CD84: variants seen among roughly 807,000 people sequenced by gnomAD.
CD84 encodes CD84 molecule.
Under a neutral mutation model 33.8 loss-of-function variants are expected in CD84, and 22 were observed. The ratio of observed to expected loss-of-function variants is 0.65; its 90% confidence interval spans 0.46 to 0.93. The LOEUF (loss-of-function observed/expected upper bound fraction) is 0.93. CD84 is among the 40% of genes least tolerant of loss of function. The pLI is 0.00. For missense variants in CD84, 400 were observed against 397.6 expected (o/e 1.01, Z -0.05); for synonymous variants, 154 against 145.2 (o/e 1.06, Z -0.44).
At chr1:160,552,051 G>A (rs1309004024) in intron 4 of CD84, among the ~76,000 whole-genome samples, 1 of 152,144 alleles carries the variant, frequency 6.6e-6, no homozygotes, top group Non-Finnish European at 1.5e-5. Context: ...AGAATTTTGG[G>A]CCTTCATAAT....
At chr1:160,558,739 T>C (rs1409821439) in intron 2 of CD84, among the ~76,000 whole-genome samples, 2 of 152,040 alleles carry the variant, frequency 1.3e-5, no homozygotes, top group Non-Finnish European at 2.9e-5. Context: ...CTAAGAATTA[T>C]GATAAGACAA....
intron 5 of CD84, 113 bp downstream of exon 5, chr1:160,550,825 G>C: frequency 1.3e-6 from 2 of 1,563,306 alleles, no homozygotes; most frequent in Non-Finnish European, 1.7e-6. Flanking sequence ...GGAACCTCTG[G>C]ACTCTTGGCC....
chr1:160,553,260 C>A (rs763022943), intron 4 of CD84, 118 bp downstream of exon 4: 1 of 1,538,626 alleles, frequency 6.5e-7, no homozygotes, highest in Non-Finnish European at 8.9e-7. Flanking sequence ...GGGTGGAGAT[C>A]GGAAAAAGGC....
chr1:160,575,244 G>A (rs1433819845), intron 1 of CD84, among the ~76,000 whole-genome samples: 2 of 152,128 alleles, frequency 1.3e-5, no homozygotes, highest in Admixed American at 6.6e-5. Context: ...GCTTTAGCAT[G>A]TGGTGCCCAA....
chr1:160,564,278 T>C (rs1657178728), intron 2 of CD84, among the ~76,000 whole-genome samples: 1 of 152,156 alleles, frequency 6.6e-6, no homozygotes, highest in Non-Finnish European at 1.5e-5. Flanking sequence ...TGAAAAATAA[T>C]AACACCAAAT....
At chr1:160,565,333 T>C in intron 2 of CD84, 71 bp downstream of exon 2, 2 of 1,125,082 alleles carry the variant, frequency 1.8e-6, no homozygotes, top group Admixed American at 4.7e-5. Context: ...ATCAGAAATG[T>C]AGATGTGTTT....
intron 1 of CD84, among the ~76,000 whole-genome samples, chr1:160,578,908 T>C (rs1255896587): frequency 6.6e-6 from 1 of 152,038 alleles, no homozygotes; most frequent in Admixed American, 6.6e-5. Flanking sequence ...ATAAAGGGAG[T>C]TTATAGAGAT....
chr1:160,552,704 C>T (rs1321032211), intron 4 of CD84: 3 of 1,546,378 alleles, frequency 1.9e-6, no homozygotes, highest in Non-Finnish European at 2.6e-6. Context: ...TGAGAACTTA[C>T]AAGGGTTCTT....
chr1:160,550,468 A>G (rs1158111692), intron 5 of CD84: 1 of 229,534 alleles, frequency 4.4e-6, no homozygotes, highest in Non-Finnish European at 7.2e-6. Flanking sequence ...GGGGTGTGGA[A>G]CAGTGACTCT....
At chr1:160,549,879 G>A (rs775410591) in intron 6 of CD84, 38 bp downstream of exon 6, 1 of 1,495,516 alleles carries the variant, frequency 6.7e-7, no homozygotes, top group Non-Finnish European at 9.3e-7. Context: ...GGCTGGAAGA[G>A]TTAGGAAAGC....
intron 3 of CD84, 101 bp downstream of exon 3, chr1:160,553,794 A>G: frequency 6.4e-7 from 1 of 1,565,714 alleles, no homozygotes; most frequent in Non-Finnish European, 8.7e-7. Flanking sequence ...CCAAAGATAA[A>G]GGAAGCACAT....
rs1655923741 is a variant in CD84 at position 160,547,847 on chromosome 1, T to C, written c.*409A>G. 3 of 230,586 alleles carry C rather than the reference T, an allele frequency of 1.3e-5. No individual in the cohort carries two copies. The highest frequency in any genetic ancestry group is 2.6e-5 in the Non-Finnish European group (3 of 115,740). The allele number at this position is 230,586 out of a possible 1,614,324, so 14.3% of individuals were successfully genotyped here. A position where few individuals can be genotyped will look rare whatever the true frequency, so the allele number is the denominator to read the frequency against. The stretch of plus-strand genomic sequence containing the variant: ...GGCCTATTACAGGTGTGCAAAATAT[T>C]GATCCCCTTCTCCCACAGTTACTGG... On this transcript the variant is annotated 3_prime_UTR_variant, in exon 7 of 7. Coordinates refer to ENST00000368054, the MANE Select transcript of CD84 (RefSeq NM_003874.4).
In CD84 at chr1:160,554,083, A is replaced by C. The variant is rs201135783; in HGVS notation, c.452T>G (p.Val151Gly). The change falls in exon 3 of 7, where the codon GTC (valine) becomes GGC (glycine). Residue 151 changes from valine (V) to glycine (G), a missense_variant. Coordinates refer to ENST00000368054, the MANE Select transcript of CD84 (RefSeq NM_003874.4). ...LMASVNSTCN[V>G]TLTCSVEKEE... ...TTTCTCTACAGAGCATGTCAGTGTG[A>C]CATTACAGGTGCTGTTCACAGATGC... 2.5e-6 allele frequency: 4 copies of C among 1,614,172 alleles called. No homozygotes were observed. The African/African-American group carries it at 4.0e-5, about 16-fold the overall frequency.
rs1489564393 is a variant in CD84 at position 160,557,223 on chromosome 1, CCT to C, written c.389-3079_389-3078del. Among the ~76,000 whole-genome samples the C allele has an allele frequency of 2.6e-5, 4 of 152,304 alleles. 1 individual carries two copies. Among genetic ancestry groups the C allele is most frequent in the Middle Eastern group, 6.8e-3 (2 of 294 alleles). ...AAGATCATACAGCTGGCAAAGTATGCCTAATCCCAACATTAGCGTTCTTTCCG... is the reference window on the plus strand; with the variant it reads ...AAGATCATACAGCTGGCAAAGTATGCAATCCCAACATTAGCGTTCTTTCCG... On this transcript the variant is annotated intron_variant, in intron 2 of 6. Transcript: ENST00000368054.
In CD84 at chr1:160,541,983, G is replaced by A. The variant is rs1655565827; in HGVS notation, c.*6273C>T. The A allele has an allele frequency of 6.6e-6, 1 of 152,236 alleles. No individual in the cohort carries two copies. The highest frequency in any genetic ancestry group is 2.1e-4 in the South Asian group (1 of 4,830). 9.4% of individuals were successfully genotyped at this position (152,236 alleles called of 1,614,324 possible). Reference sequence around the variant, plus strand: ...CATATAGAGAAGTTGGAATTGACAGGACCTATTCTCTGACTAGATGTAGAG... The same window carrying A: ...CATATAGAGAAGTTGGAATTGACAGAACCTATTCTCTGACTAGATGTAGAG... On this transcript the variant is annotated 3_prime_UTR_variant, in exon 7 of 7. Coordinates refer to ENST00000368054, the MANE Select transcript of CD84 (RefSeq NM_003874.4).
chr1:160,553,570 G>A, intron 3 of CD84, 73 bp from the exon 4 acceptor site: 3 of 1,549,418 alleles, frequency 1.9e-6, no homozygotes, highest in Non-Finnish European at 2.7e-6. Flanking sequence ...TTTGCCCACA[G>A]TCAGGGGCAT....
At position 160,541,871 on chromosome 1, in the gene CD84, A is replaced by G. The variant is rs1655559505; in HGVS notation, c.*6385T>C. The stretch of plus-strand genomic sequence containing the variant: ...GTAATAGCAACCCAGGTAACACGTG[A>G]TAAAGCAATGATCTGAGGGAGTGAG... On this transcript the variant is annotated 3_prime_UTR_variant, in exon 7 of 7. Transcript: ENST00000368054. The G allele has an allele frequency of 6.6e-6, 1 of 152,240 alleles. No homozygotes were observed. The highest frequency in any genetic ancestry group is 6.5e-5 in the Admixed American group (1 of 15,282). 9.4% of individuals were successfully genotyped at this position (152,240 alleles called of 1,614,324 possible).
chr1:160,550,850 GACA>G (rs1304758940), intron 5 of CD84, 85 bp downstream of exon 5: 9 of 1,591,494 alleles, frequency 5.7e-6, no homozygotes, highest in South Asian at 4.5e-5. Context: ...CTGCTTTCTA[GACA>G]ACAACAAGCA....
intron 6 of CD84, among the ~76,000 whole-genome samples, chr1:160,549,557 G>A (rs1488669505): frequency 6.6e-6 from 1 of 152,216 alleles, no homozygotes; most frequent in Non-Finnish European, 1.5e-5. Flanking sequence ...CATCTGGCAT[G>A]GGCCTGTGTT....
Sources: allele counts gnomAD v4.1 joint callset (sites outside exome capture counted in the v4.1 genomes callset), GRCh38; gene constraint gnomAD v4.1.1; transcripts MANE v1.5; gene names NCBI Gene and HGNC (gene_info 2026-07-23, HGNC 2026-07-21).